CDH12: variants seen among roughly 807,000 people sequenced by gnomAD.
CDH12 encodes cadherin 12.
Under a neutral mutation model 74.1 loss-of-function variants are expected in CDH12, and 41 were observed. The ratio of observed to expected loss-of-function variants is 0.55; its 90% CI spans 0.43 to 0.72. The LOEUF (loss-of-function observed/expected upper bound fraction) is 0.72, where lower values mean the gene tolerates loss of function less well. CDH12 is among the 30% of genes least tolerant of loss of function. The pLI, the probability that CDH12 is intolerant of heterozygous loss-of-function variation, is 0.00. For missense variants in CDH12, 945 were observed against 977.2 expected (o/e 0.97, Z 0.44); for synonymous variants, 399 against 355.0 (o/e 1.12, Z -1.39).
intron 2 of CDH12, among the ~76,000 whole-genome samples, chr5:22,425,172 A>ATAAATATATAT: frequency 1.2e-5 from 1 of 83,488 alleles, no homozygotes; most frequent in African/African-American, 4.4e-5. Flanking sequence ...TATATATATA[A>ATAAATATATAT]ATATATATAT....
At chr5:22,669,063 T>C (rs191653377) in intron 1 of CDH12, among the ~76,000 whole-genome samples, 1 of 152,298 alleles carries the variant, frequency 6.6e-6, no homozygotes, top group Admixed American at 6.5e-5. Flanking sequence ...TAACACTTGC[T>C]CTTTTCCTCT....
At chr5:21,894,149 C>T (rs192473565) in intron 6 of CDH12, among the ~76,000 whole-genome samples, 3 of 152,084 alleles carry the variant, frequency 2.0e-5, no homozygotes, top group East Asian at 1.9e-4. Flanking sequence ...GAAGCCAAGG[C>T]GGGTGGATCA....
intron 3 of CDH12, among the ~76,000 whole-genome samples, chr5:22,293,635 C>CAA (rs1238973783): frequency 6.6e-6 from 1 of 152,054 alleles, no homozygotes; most frequent in African/African-American, 2.4e-5. Context: ...CACACACACA[C>CAA]ACATACAACA....
At chr5:21,891,048 TTATGA>T (rs1752875728) in intron 6 of CDH12, among the ~76,000 whole-genome samples, 2 of 152,060 alleles carry the variant, frequency 1.3e-5, no homozygotes, top group South Asian at 4.1e-4. Context: ...AGCCTAAAAT[TTATGA>T]TATGTCAATA....
chr5:22,175,546 G>T (rs1326823929), intron 4 of CDH12, among the ~76,000 whole-genome samples: 1 of 151,904 alleles, frequency 6.6e-6, no homozygotes, highest in Non-Finnish European at 1.5e-5. Context: ...GTATCAGAAG[G>T]AAATGTAAAT....
chr5:21,928,750 AGT>A (rs1754705812), intron 6 of CDH12, among the ~76,000 whole-genome samples: 2 of 148,140 alleles, frequency 1.4e-5, no homozygotes, highest in African/African-American at 5.0e-5. Flanking sequence ...CAATGAACTG[AGT>A]AATGCTATCA....
At chr5:22,172,372 G>A (rs1302812067) in intron 4 of CDH12, 1 of 151,672 alleles carries the variant, frequency 6.6e-6, no homozygotes, top group Non-Finnish European at 1.5e-5. Flanking sequence ...TGAAGATGAC[G>A]GAAGCAGCTC....
chr5:22,588,107 T>C (rs1561511316), intron 1 of CDH12, among the ~76,000 whole-genome samples: 1 of 150,812 alleles, frequency 6.6e-6, no homozygotes, highest in Non-Finnish European at 1.5e-5. Flanking sequence ...TATATGTGTG[T>C]ATATATACAT....
In CDH12 at chr5:22,497,933, G is replaced by A. The variant is rs973313455; in HGVS notation, c.-428+7337C>T. On this transcript the variant is annotated intron_variant, in intron 2 of 14. Coordinates refer to ENST00000382254, the MANE Select transcript of CDH12 (RefSeq NM_004061.5). ...GCTGGGATTACAGGGATGAGCCAGC[G>A]TGAGCCACCGTGCCCAGCTGAACCT... Among the ~76,000 whole-genome samples the A allele has an allele frequency of 2.4e-4, 37 of 152,118 alleles. 1 individual carries two copies. The highest frequency in any genetic ancestry group is 1.0e-3 in the South Asian group (5 of 4,812).
chr5:22,581,262 T>C (rs567224515), intron 1 of CDH12, among the ~76,000 whole-genome samples: 85 of 152,342 alleles, frequency 5.6e-4, no homozygotes, highest in Non-Finnish European at 1.0e-3. Flanking sequence ...CTGTGCTGTG[T>C]GCAGCCTACA....
chr5:22,136,241 C>T (rs1388095784), intron 4 of CDH12, among the ~76,000 whole-genome samples: 1 of 151,862 alleles, frequency 6.6e-6, no homozygotes, highest in Non-Finnish European at 1.5e-5. Context: ...AGTCAACAAA[C>T]ATTTTGGAAG....
intron 6 of CDH12, among the ~76,000 whole-genome samples, chr5:21,927,727 A>G (rs977435588): frequency 2.6e-5 from 4 of 152,142 alleles, no homozygotes; most frequent in African/African-American, 7.2e-5. Flanking sequence ...TCAGGGATTC[A>G]GATGCTTGCA....
At chr5:22,529,019 G>A (rs1482270149) in intron 1 of CDH12, among the ~76,000 whole-genome samples, 1 of 151,406 alleles carries the variant, frequency 6.6e-6, no homozygotes, top group Non-Finnish European at 1.5e-5. Context: ...TAGAATGTGT[G>A]TCTGTATGCA....
chr5:22,051,199 C>G (rs1375549402), intron 5 of CDH12, among the ~76,000 whole-genome samples: 1 of 151,984 alleles, frequency 6.6e-6, no homozygotes, highest in Non-Finnish European at 1.5e-5. Flanking sequence ...GAGATGGAAT[C>G]CCCCTCTTGC....
At chr5:22,562,856 T>G (rs367633799) in intron 1 of CDH12, among the ~76,000 whole-genome samples, 1 of 136,056 alleles carries the variant, frequency 7.3e-6, no homozygotes, top group African/African-American at 2.6e-5. Flanking sequence ...TGATCTCTTA[T>G]AGTCTATATA....
chr5:21,895,708 G>A (rs1189884102), intron 6 of CDH12, among the ~76,000 whole-genome samples: 1 of 152,212 alleles, frequency 6.6e-6, no homozygotes, highest in Admixed American at 6.5e-5. Flanking sequence ...AGGGACTGGA[G>A]TTGAATTCTA....
chr5:22,540,489 T>A (rs1205418291), intron 1 of CDH12, among the ~76,000 whole-genome samples: 2 of 152,176 alleles, frequency 1.3e-5, no homozygotes, highest in African/African-American at 2.4e-5. Context: ...TTTTATGTTA[T>A]AATGAACTTC....
intron 1 of CDH12, among the ~76,000 whole-genome samples, chr5:22,549,608 C>T (rs388799): frequency 6.6e-6 from 1 of 152,050 alleles, no homozygotes; most frequent in Non-Finnish European, 1.5e-5. Context: ...TGATACAGTA[C>T]CATAGTTACA....
chr5:22,569,768 C>G lies in CDH12; in HGVS notation c.-522-64404G>C, dbSNP rs550116776. On this transcript the variant is annotated intron_variant, in intron 1 of 14. Coordinates refer to ENST00000382254, the MANE Select transcript of CDH12 (RefSeq NM_004061.5). ...AGGCTCCACTTCTAAACTTCTAACT[C>G]TAGTTTTTTTGCTATATCTACCATA... Among the ~76,000 whole-genome samples the G allele has an allele frequency of 2.6e-5, 4 of 152,244 alleles. No individual in the cohort carries two copies. In the South Asian group the frequency reaches 8.3e-4, roughly 32 times the overall value.
Sources: gnomAD v4.1 joint callset for allele counts (sites outside exome capture counted in the v4.1 genomes callset) on GRCh38, gnomAD v4.1.1 for gene constraint, MANE v1.5 for transcripts, NCBI Gene and HGNC (gene_info 2026-07-23, HGNC 2026-07-21) for gene names.